DOCK3: variants seen among roughly 807,000 people sequenced by gnomAD.
The protein encoded by DOCK3 is dedicator of cytokinesis 3, also known as dedicator of cytokinesis protein 3.
A neutral mutation model predicts 265.6 loss-of-function variants in DOCK3; 60 were observed. That is an observed-to-expected ratio of 0.23 (90% CI 0.18 to 0.28). The LOEUF (loss-of-function observed/expected upper bound fraction) is 0.28, where lower values mean the gene tolerates loss of function less well. Among genes scored for constraint, DOCK3 ranks in the 10% least tolerant of loss-of-function variants. DOCK3 has a pLI of 1.00. For synonymous variants in DOCK3, 881 were observed against 938.0 expected (o/e 0.94, Z 1.11); for missense variants, 1,981 against 2,594.3 (o/e 0.76, Z 5.14).
rs189212997 is a variant in DOCK3 at position 51,087,774 on chromosome 3, T to C, written c.550-1469T>C. Among the ~76,000 whole-genome samples, 32 of 152,192 alleles carry C rather than the reference T, an allele frequency of 2.1e-4. No individual in the cohort carries two copies. In the East Asian group the frequency reaches 5.6e-3, roughly 27 times the overall value. ...ATCTCTTAGAACTGATATACTGATA[T>C]ACTTAGAACTCTTATACACTGTTGG... On this transcript the variant is annotated intron_variant, in intron 7 of 52. Coordinates refer to ENST00000266037, the MANE Select transcript of DOCK3 (RefSeq NM_004947.5).
chr3:50,720,951 A>G (rs888200139), intron 1 of DOCK3, among the ~76,000 whole-genome samples: 5 of 151,920 alleles, frequency 3.3e-5, no homozygotes, highest in Admixed American at 3.3e-4. Flanking sequence ...TCTAGTGATC[A>G]GTGATATTGA....
At chr3:51,113,891 C>T (rs1453427398) in intron 9 of DOCK3, among the ~76,000 whole-genome samples, 1 of 152,052 alleles carries the variant, frequency 6.6e-6, no homozygotes, top group East Asian at 1.9e-4. Context: ...GAGGGAGGAT[C>T]ACTTGAAACC....
intron 13 of DOCK3, among the ~76,000 whole-genome samples, chr3:51,211,422 G>A (rs113288696): frequency 6.6e-6 from 1 of 151,684 alleles, no homozygotes; most frequent in African/African-American, 2.4e-5. Flanking sequence ...CAACCTGCAG[G>A]TTTGTTACAT....
chr3:51,079,271 G>T lies in DOCK3; in HGVS notation c.549+3831G>T, dbSNP rs187508957. Reference sequence around the variant, plus strand: ...CTCCATGCAAATGTTGAATGATAATGATTGATAAAAGTCTCTTTAAATACA... The same window carrying T: ...CTCCATGCAAATGTTGAATGATAATTATTGATAAAAGTCTCTTTAAATACA... On this transcript the variant is annotated intron_variant, in intron 7 of 52. Coordinates refer to ENST00000266037, the MANE Select transcript of DOCK3 (RefSeq NM_004947.5). Among the ~76,000 whole-genome samples the T allele has an allele frequency of 3.3e-4, 50 of 152,144 alleles. 1 individual carries two copies. Among genetic ancestry groups the T allele is most frequent in the African/African-American group, 1.2e-3 (49 of 41,544 alleles).
chr3:50,932,738 C>T lies in DOCK3; in HGVS notation c.219-1243C>T, dbSNP rs117899335. On this transcript the variant is annotated intron_variant, in intron 4 of 52. Transcript: ENST00000266037. ...AGGTGGCACCATAACTGGTTTTCTC[C>T]CTCCCCACACGCTTTTCATGTCATG... Among the ~76,000 whole-genome samples, 91 of 152,242 alleles carry T rather than the reference C, an allele frequency of 6.0e-4. 4 individuals carry two copies. The East Asian group carries it at 0.017, about 29-fold the overall frequency.
intron 7 of DOCK3, among the ~76,000 whole-genome samples, chr3:51,081,715 G>T (rs1408926019): frequency 6.6e-6 from 1 of 152,026 alleles, no homozygotes; most frequent in Non-Finnish European, 1.5e-5. Flanking sequence ...CTAACACGGT[G>T]AAACCCCATC....
rs1046540455 is a variant in DOCK3 at position 51,278,127 on chromosome 3, A to G, written c.2823+373A>G. 8 of 985,334 alleles carry G rather than the reference A, an allele frequency of 8.1e-6. No individual in the cohort carries two copies. The African/African-American group carries it at 1.0e-4, about 13-fold the overall frequency. 61.0% of individuals were successfully genotyped at this position (985,334 alleles called of 1,614,324 possible). ...AACCCCCTCATACAGGTTCTCCTAA[A>G]TGATGTACAGGACAGAATAATTTTC... is the stretch of plus-strand genomic sequence containing the variant. On this transcript the variant is annotated intron_variant, in intron 26 of 52. Transcript: ENST00000266037.
chr3:50,908,720 A>C (rs1472440107), intron 4 of DOCK3, among the ~76,000 whole-genome samples: 1 of 152,138 alleles, frequency 6.6e-6, no homozygotes. Context: ...AGTTCTGTAG[A>C]TATCGATCAG....
intron 3 of DOCK3, among the ~76,000 whole-genome samples, chr3:50,881,871 C>T (rs1412128371): frequency 1.3e-5 from 2 of 152,168 alleles, no homozygotes; most frequent in Non-Finnish European, 2.9e-5. Flanking sequence ...GACTATACTA[C>T]AAGTCTACAG....
chr3:50,918,095 T>G (rs2050224320), intron 4 of DOCK3, among the ~76,000 whole-genome samples: 1 of 152,152 alleles, frequency 6.6e-6, no homozygotes, highest in Non-Finnish European at 1.5e-5. Flanking sequence ...GAACTCATCC[T>G]TTTTTATGGC....
intron 44 of DOCK3, 143 bp downstream of exon 44, chr3:51,357,284 A>G (rs2086428885): frequency 2.2e-6 from 2 of 898,168 alleles, no homozygotes; most frequent in Non-Finnish European, 3.3e-6. Flanking sequence ...TGAGGCCCTA[A>G]GCTCCCTATC....
rs536544038 is a variant in DOCK3, at chr3:50,966,078, C to T, written c.315+32001C>T. 2.7e-5 allele frequency among the ~76,000 whole-genome samples: 4 copies of T among 150,450 alleles called. No homozygotes were observed. The South Asian group carries it at 6.3e-4, about 24-fold the overall frequency. ...TATAAGTGAGATAATACAGATTTGT[C>T]TTTATGTGTTTGGCTTATTTCACTT... On this transcript the variant is annotated intron_variant, in intron 5 of 52. Transcript: ENST00000266037.
chr3:50,706,545 T>C (rs570942603), intron 1 of DOCK3, among the ~76,000 whole-genome samples: 1 of 152,310 alleles, frequency 6.6e-6, no homozygotes, highest in African/African-American at 2.4e-5. Flanking sequence ...GACTTTTTAC[T>C]GTTTGGGTAA....
rs1265821548 is a variant in DOCK3 at position 51,064,484 on chromosome 3, G to A, written c.352G>A (p.Val118Met). The A allele has an allele frequency of 6.2e-7, 1 of 1,613,984 alleles. No homozygotes were observed. Among genetic ancestry groups the A allele is most frequent in the Non-Finnish European group, 8.5e-7 (1 of 1,179,866 alleles). ...KVDLFYKLRH[V>M]MNELIDLRRQ... ...AGATCTTTTCTACAAACTACGCCAT[G>A]TGATGAATGAACTTATTGACCTGCG... The change falls in exon 6 of 53, where the codon GTG (valine) becomes ATG (methionine). Residue 118 changes from valine to methionine, a missense_variant. Physicochemically the swap from Val to Met is conservative, Grantham distance 21. This residue lies in a region of DOCK3 where 456 missense variants were observed against 539.0 expected (regional missense o/e 0.85). Transcript: ENST00000266037.
At chr3:51,276,151 G>T (rs2080807330) in intron 25 of DOCK3, among the ~76,000 whole-genome samples, 1 of 152,188 alleles carries the variant, frequency 6.6e-6, no homozygotes, top group Admixed American at 6.5e-5. Context: ...TGTTCGAGCA[G>T]GGGACAGGGA....
intron 22 of DOCK3, among the ~76,000 whole-genome samples, chr3:51,257,186 A>G (rs1249215994): frequency 2.0e-5 from 3 of 152,222 alleles, no homozygotes; most frequent in Non-Finnish European, 2.9e-5. Context: ...TACGTCCAAC[A>G]CTAAGGTTTT....
intron 5 of DOCK3, among the ~76,000 whole-genome samples, chr3:50,986,410 A>T (rs781500275): frequency 7.9e-5 from 12 of 152,234 alleles, no homozygotes; most frequent in Non-Finnish European, 1.8e-4. Flanking sequence ...AATTGTGAAG[A>T]TTAGTTTGGC....
At chr3:50,710,296 C>T (rs919072127) in intron 1 of DOCK3, among the ~76,000 whole-genome samples, 2 of 152,032 alleles carry the variant, frequency 1.3e-5, no homozygotes, top group Admixed American at 6.6e-5. Flanking sequence ...CCAGAATCTA[C>T]GAGGAACTCA....
intron 49 of DOCK3, among the ~76,000 whole-genome samples, chr3:51,363,670 T>C (rs546898521): frequency 4.1e-4 from 63 of 152,336 alleles, no homozygotes; most frequent in Middle Eastern, 3.4e-3. Flanking sequence ...CAGTGTGTGA[T>C]GTTCCCCACC....
Sources: allele counts gnomAD v4.1 joint callset (sites outside exome capture counted in the v4.1 genomes callset), GRCh38; gene constraint gnomAD v4.1.1; regional missense constraint gnomAD v4.1.1; transcripts MANE v1.5; gene names NCBI Gene and HGNC (gene_info 2026-07-23, HGNC 2026-07-21).